The following AGAP1 variants were observed in gnomAD, a reference collection of about 807,000 sequenced individuals.
The protein encoded by AGAP1 is arf-GAP with GTPase, ANK repeat and PH domain-containing protein 1.
AGAP1 carries 29 observed loss-of-function variants against 105.3 expected under a neutral mutation model. The ratio of observed to expected loss-of-function variants is 0.28; its 90% CI spans 0.21 to 0.38. AGAP1 has a LOEUF of 0.38. AGAP1 is among the 10% of genes least tolerant of loss of function. The pLI, the probability that AGAP1 is intolerant of heterozygous loss-of-function variation, is 1.00. For missense variants in AGAP1, 998 were observed against 1,165.1 expected (o/e 0.86, Z 2.09); for synonymous variants, 509 against 485.9 (o/e 1.05, Z -0.63).
At position 235,904,359 on chromosome 2, in the gene AGAP1, G is replaced by A. The variant is rs1331761576; in HGVS notation, c.1156-4379G>A. ...CCTGCTTGGAAAAAATAAGCCGCATGATGATCATGGACAACTTGAGAAGGA... is the reference window on the plus strand; with the variant it reads ...CCTGCTTGGAAAAAATAAGCCGCATAATGATCATGGACAACTTGAGAAGGA... On this transcript the variant is annotated intron_variant, in intron 10 of 17. Coordinates refer to ENST00000304032, the MANE Select transcript of AGAP1 (RefSeq NM_001037131.3). This position sits in a 1 kb window ranked among gnomAD's most constrained non-coding sequence, Gnocchi z 4.2. 1.3e-5 allele frequency among the ~76,000 whole-genome samples: 2 copies of A among 152,154 alleles called. No homozygotes were observed. Among genetic ancestry groups the A allele is most frequent in the Admixed American group, 6.5e-5 (1 of 15,280 alleles).
intron 13 of AGAP1, among the ~76,000 whole-genome samples, chr2:236,029,098 C>T (rs1227292207): frequency 3.3e-5 from 5 of 152,056 alleles, no homozygotes; most frequent in Admixed American, 2.6e-4. Context: ...ATGTCCTCAC[C>T]GCTACTCTCA....
Position 236,035,589 on chromosome 2 carries a change from A to G in AGAP1, c.1646-972A>G, listed in dbSNP as rs910712414. ...TAATGAGCTGTGATTGCACCATGGC[A>G]CTCCAGCTTGGACAACAAAGTGGGA... On this transcript the variant is annotated intron_variant, in intron 13 of 17. Transcript: ENST00000304032. This position sits in a 1 kb window ranked among gnomAD's most constrained non-coding sequence, Gnocchi z 4.2. Among the ~76,000 whole-genome samples the G allele has an allele frequency of 1.3e-5, 2 of 152,116 alleles. No homozygotes were observed. The highest frequency in any genetic ancestry group is 2.9e-5 in the Non-Finnish European group (2 of 68,032).
Position 235,838,030 on chromosome 2 carries a change from A to G in AGAP1, c.1050+30699A>G, listed in dbSNP as rs1471553751. 3.9e-5 allele frequency among the ~76,000 whole-genome samples: 6 copies of G among 152,270 alleles called. No individual in the cohort carries two copies. In the East Asian group the frequency reaches 7.7e-4, roughly 20 times the overall value. On this transcript the variant is annotated intron_variant, in intron 9 of 17. Coordinates refer to ENST00000304032, the MANE Select transcript of AGAP1 (RefSeq NM_001037131.3). ...AAACCCCATCTTTACTAAAAACACA[A>G]AAAAACTTAGCTGGGCGTCGTGGTG...
chr2:235,718,341 G>C, intron 3 of AGAP1: 1 of 983,284 alleles, frequency 1.0e-6, no homozygotes, highest in African/African-American at 1.7e-5. Flanking sequence ...CTGAATTTCT[G>C]GTTCCTTCTT....
chr2:235,515,050 G>T (rs1942322676), intron 1 of AGAP1, among the ~76,000 whole-genome samples: 1 of 152,152 alleles, frequency 6.6e-6, no homozygotes. Flanking sequence ...CATTAAAAAA[G>T]TCCTTAAATT....
chr2:235,570,455 A>G (rs1944478042), intron 1 of AGAP1, among the ~76,000 whole-genome samples: 1 of 152,244 alleles, frequency 6.6e-6, no homozygotes, highest in African/African-American at 2.4e-5. Flanking sequence ...AAAAGAGGAC[A>G]AAGACTTATC....
chr2:235,782,297 T>C (rs1956315437), intron 6 of AGAP1, among the ~76,000 whole-genome samples: 1 of 152,174 alleles, frequency 6.6e-6, no homozygotes, highest in African/African-American at 2.4e-5. Flanking sequence ...GAGAAATCTG[T>C]TTTGAAAACA....
In AGAP1 at chr2:235,601,919, CGT is replaced by C. The variant is rs763263918; in HGVS notation, c.163+107072_163+107073del. Among the ~76,000 whole-genome samples the C allele has an allele frequency of 7.2e-5, 11 of 152,316 alleles. No individual in the cohort carries two copies. Among genetic ancestry groups the C allele is most frequent in the Non-Finnish European group, 1.0e-4 (7 of 68,036 alleles). On this transcript the variant is annotated intron_variant, in intron 1 of 17. Coordinates refer to ENST00000304032, the MANE Select transcript of AGAP1 (RefSeq NM_001037131.3). The surrounding 1 kb of genome is among the most constrained non-coding windows in gnomAD (Gnocchi z 4.4). Reference sequence around the variant, plus strand: ...CTGCAGTAACCTCTTAGCGGGCCTCCGTGCCCCATCCCAAAAGGTCCATTCTC... The same window carrying C: ...CTGCAGTAACCTCTTAGCGGGCCTCCGCCCCATCCCAAAAGGTCCATTCTC...
At chr2:235,911,073 AT>A (rs2051588417) in intron 11 of AGAP1, among the ~76,000 whole-genome samples, 1 of 152,224 alleles carries the variant, frequency 6.6e-6, no homozygotes, top group Admixed American at 6.5e-5. Flanking sequence ...ATTGAGTTTC[AT>A]TTTTATAATT....
At chr2:236,063,614 A>ATTT (rs1218266375) in intron 16 of AGAP1, among the ~76,000 whole-genome samples, 2 of 152,226 alleles carry the variant, frequency 1.3e-5, no homozygotes, top group African/African-American at 4.8e-5. Context: ...TAATTGATTG[A>ATTT]TTTCTAGGCT....
intron 16 of AGAP1, among the ~76,000 whole-genome samples, chr2:236,075,592 C>T (rs982968855): frequency 4.6e-5 from 7 of 152,142 alleles, no homozygotes; most frequent in African/African-American, 1.7e-4. Context: ...TCTTTCAGCA[C>T]TGGAAATAGC....
rs1049950420 is a variant in AGAP1, at chr2:236,076,847, T to C, written c.2114+27566T>C. Among the ~76,000 whole-genome samples the C allele has an allele frequency of 3.0e-4, 45 of 151,920 alleles. No individual in the cohort carries two copies. The highest frequency in any genetic ancestry group is 1.1e-3 in the African/African-American group (45 of 41,348). On this transcript the variant is annotated intron_variant, in intron 16 of 17. Coordinates refer to ENST00000304032, the MANE Select transcript of AGAP1 (RefSeq NM_001037131.3). This position sits in a 1 kb window ranked among gnomAD's most constrained non-coding sequence, Gnocchi z 4.4. The stretch of plus-strand genomic sequence containing the variant: ...TAGTCCCAGCACAGGGTCTCATGCC[T>C]GTAATCCCAGCACTTTGGGAGGCCA...
intron 16 of AGAP1, chr2:236,049,568 A>C: frequency 3.7e-6 from 1 of 270,106 alleles, no homozygotes; most frequent in East Asian, 7.4e-5. Context: ...ACTTTAATTA[A>C]TACATTTCTA....
intron 5 of AGAP1, among the ~76,000 whole-genome samples, chr2:235,745,550 C>A (rs76347418): frequency 0.022 from 3,288 of 152,312 alleles, 104 homozygotes; most frequent in African/African-American, 0.068. Context: ...GTTAGCTTTA[C>A]AACTGCTTTG....
In AGAP1 at chr2:236,101,381, T is replaced by C. The variant is rs993339777; in HGVS notation, c.2115-18811T>C. Among the ~76,000 whole-genome samples the C allele has an allele frequency of 1.3e-5, 2 of 152,212 alleles. No homozygotes were observed. The highest frequency in any genetic ancestry group is 4.8e-5 in the African/African-American group (2 of 41,464). ...TTTATTGGAAGCCTACTTGGAGTTC[T>C]CTGCAGCTTTTTCTGAATGTGTCGC... On this transcript the variant is annotated intron_variant, in intron 16 of 17. Coordinates refer to ENST00000304032, the MANE Select transcript of AGAP1 (RefSeq NM_001037131.3). The surrounding 1 kb of genome is among the most constrained non-coding windows in gnomAD (Gnocchi z 4.9).
Position 235,670,759 on chromosome 2 carries a change from C to T in AGAP1, c.164-38420C>T, listed in dbSNP as rs765958035. 3.1e-4 allele frequency: 339 copies of T among 1,077,278 alleles called. 1 individual carries two copies. Among genetic ancestry groups the T allele is most frequent in the Admixed American group, 5.4e-4 (25 of 45,872 alleles). 66.7% of individuals were successfully genotyped at this position (1,077,278 alleles called of 1,614,324 possible). A position where few individuals can be genotyped will look rare whatever the true frequency, so the allele number is the denominator to read the frequency against. On this transcript the variant is annotated intron_variant, in intron 1 of 17. Coordinates refer to ENST00000304032, the MANE Select transcript of AGAP1 (RefSeq NM_001037131.3). Reference sequence around the variant, plus strand: ...ACGTGGGCGAGGTGCTCAGCAAGAACGACGCGCTCTCGGACCTGGAGCGTT... The same window carrying T: ...ACGTGGGCGAGGTGCTCAGCAAGAATGACGCGCTCTCGGACCTGGAGCGTT...
At chr2:235,860,111 C>T (rs996880359) in intron 9 of AGAP1, among the ~76,000 whole-genome samples, 2 of 152,138 alleles carry the variant, frequency 1.3e-5, no homozygotes, top group African/African-American at 4.8e-5. Context: ...CTCCTTTTAA[C>T]TTGTATCTTA....
rs1204183818 is a variant in AGAP1 at position 236,096,448 on chromosome 2, C to A, written c.2115-23744C>A. Among the ~76,000 whole-genome samples the A allele has an allele frequency of 6.6e-6, 1 of 151,212 alleles. No individual in the cohort carries two copies. The highest frequency in any genetic ancestry group is 2.4e-5 in the African/African-American group (1 of 41,170). ...CCTGAGAGGCAGAGGTTGCAGTGAG[C>A]CAAGATCGCACCACTGCACTCCAGC... is the stretch of plus-strand genomic sequence containing the variant. On this transcript the variant is annotated intron_variant, in intron 16 of 17. Coordinates refer to ENST00000304032, the MANE Select transcript of AGAP1 (RefSeq NM_001037131.3). This position sits in a 1 kb window ranked among gnomAD's most constrained non-coding sequence, Gnocchi z 4.4.
At position 235,633,317 on chromosome 2, in the gene AGAP1, G is replaced by C. The variant is rs899574372; in HGVS notation, c.164-75862G>C. Reference sequence around the variant, plus strand: ...GGACAAATAGGGCATGAGCGGGCCGGGCGTGGTGGCTCATGCCTGTAATCC... The same window carrying C: ...GGACAAATAGGGCATGAGCGGGCCGCGCGTGGTGGCTCATGCCTGTAATCC... On this transcript the variant is annotated intron_variant, in intron 1 of 17. Transcript: ENST00000304032. The surrounding 1 kb of genome is among the most constrained non-coding windows in gnomAD (Gnocchi z 4.8). Among the ~76,000 whole-genome samples, 5 of 152,146 alleles carry C rather than the reference G, an allele frequency of 3.3e-5. No individual in the cohort carries two copies. The highest frequency in any genetic ancestry group is 1.2e-4 in the African/African-American group (5 of 41,440).
Sources: allele counts gnomAD v4.1 joint callset (sites outside exome capture counted in the v4.1 genomes callset), GRCh38; gene constraint gnomAD v4.1.1; non-coding constraint Gnocchi (gnomAD v3.1); transcripts MANE v1.5; gene names NCBI Gene and HGNC (gene_info 2026-07-23, HGNC 2026-07-21).